The following BMPR1B variants were observed in gnomAD, a reference collection of about 807,000 sequenced individuals.
The protein encoded by BMPR1B is bone morphogenetic protein receptor type 1B, also known as bone morphogenetic protein receptor type-1B.
A neutral mutation model predicts 59.1 loss-of-function variants in BMPR1B; 12 were observed. That is an observed-to-expected ratio of 0.20 (90% CI 0.13 to 0.33). The LOEUF (loss-of-function observed/expected upper bound fraction) is 0.33, where lower values mean the gene tolerates loss of function less well. Ranked by LOEUF, BMPR1B falls within the 10% of genes least tolerant of loss-of-function variation. BMPR1B has a pLI of 1.00. For synonymous variants in BMPR1B, 237 were observed against 207.3 expected, an observed-to-expected ratio of 1.14 and a Z score of -1.23; for missense variants, 550 against 610.9, an observed-to-expected ratio of 0.90 and a Z score of 1.05.
intron 1 of BMPR1B, among the ~76,000 whole-genome samples, chr4:94,763,283 C>T (rs1296805163): frequency 6.6e-6 from 1 of 152,170 alleles, no homozygotes; most frequent in African/African-American, 2.4e-5. Flanking sequence ...TTGGATGCTT[C>T]TTGAAAGAAT....
chr4:94,967,479 CTCTT>C (rs895950767), intron 2 of BMPR1B, among the ~76,000 whole-genome samples: 16 of 151,736 alleles, frequency 1.1e-4, no homozygotes, highest in East Asian at 1.9e-4. Context: ...CTCTCTCCTT[CTCTT>C]TCTTTCTTTT....
chr4:95,089,969 T>C (rs1286376886), intron 3 of BMPR1B, among the ~76,000 whole-genome samples: 1 of 152,102 alleles, frequency 6.6e-6, no homozygotes, highest in Admixed American at 6.6e-5. Context: ...GTAAAACATC[T>C]TACAGCACAC....
chr4:94,837,476 C>T lies in BMPR1B; in HGVS notation c.-182-38355C>T, dbSNP rs1371604685. ...TTCTCCTTGAAGAGGTCCTTCACAT[C>T]CCTTGGAAGTTGGATTCCTGGGTAT... is the stretch of plus-strand genomic sequence containing the variant. On this transcript the variant is annotated intron_variant, in intron 1 of 12. Coordinates refer to ENST00000515059, the MANE Select transcript of BMPR1B (RefSeq NM_001203.3). 3.5e-5 allele frequency among the ~76,000 whole-genome samples: 5 copies of T among 144,246 alleles called. 1 individual carries two copies. Among genetic ancestry groups the T allele is most frequent in the Admixed American group, 1.4e-4 (2 of 14,564 alleles). 94.6% of individuals were successfully genotyped at this position (144,246 alleles called of 152,430 possible). A position where few individuals can be genotyped will look rare whatever the true frequency, so the allele number is the denominator to read the frequency against.
intron 10 of BMPR1B, among the ~76,000 whole-genome samples, chr4:95,144,419 T>C (rs1042083989): frequency 1.3e-5 from 2 of 151,896 alleles, no homozygotes; most frequent in African/African-American, 2.4e-5. Flanking sequence ...AAGCAAGCAA[T>C]CCACCTGCCT....
chr4:94,806,895 A>C (rs1393962088), intron 1 of BMPR1B, among the ~76,000 whole-genome samples: 2 of 152,004 alleles, frequency 1.3e-5, no homozygotes, highest in Non-Finnish European at 2.9e-5. Context: ...TATATGCTAT[A>C]TTTTACATTA....
chr4:95,089,256 A>G (rs1729809518), intron 3 of BMPR1B, among the ~76,000 whole-genome samples: 1 of 152,112 alleles, frequency 6.6e-6, no homozygotes, highest in Non-Finnish European at 1.5e-5. Context: ...ATATCTGAAG[A>G]TAGGGTTTGT....
chr4:94,937,719 GACAC>G (rs70946570), intron 2 of BMPR1B, among the ~76,000 whole-genome samples: 44 of 147,702 alleles, frequency 3.0e-4, no homozygotes, highest in African/African-American at 7.2e-4. Flanking sequence ...CACACACACA[GACAC>G]ACACACACAC....
rs1447830033 is a variant in BMPR1B at position 95,104,362 on chromosome 4, G to T, written c.-17-46G>T. 4 of 1,599,114 alleles carry T rather than the reference G, an allele frequency of 2.5e-6. No individual in the cohort carries two copies. In the South Asian group the frequency reaches 3.3e-5, roughly 13 times the overall value. Reference sequence around the variant, plus strand: ...GTTTTCGTTTGAACAGAAGACTGGGGTAGTCTACCCCACAGATGCCTAACT... The same window carrying T: ...GTTTTCGTTTGAACAGAAGACTGGGTTAGTCTACCCCACAGATGCCTAACT... On this transcript the variant is annotated intron_variant, in intron 3 of 12. Transcript: ENST00000515059.
intron 2 of BMPR1B, among the ~76,000 whole-genome samples, chr4:94,893,578 T>A (rs145560783): frequency 0.016 from 2,400 of 152,096 alleles, 62 homozygotes; most frequent in African/African-American, 0.053. Flanking sequence ...CTTTCTCATA[T>A]AAAGAGAAAT....
At chr4:94,912,972 T>A (rs1728343431) in intron 2 of BMPR1B, among the ~76,000 whole-genome samples, 1 of 152,060 alleles carries the variant, frequency 6.6e-6, no homozygotes, top group African/African-American at 2.4e-5. Flanking sequence ...TGCTTTTTTT[T>A]TCCAGCCAAT....
intron 2 of BMPR1B, among the ~76,000 whole-genome samples, chr4:94,976,534 A>G (rs1261471604): frequency 6.6e-6 from 1 of 152,074 alleles, no homozygotes. Flanking sequence ...CAAACCCCCC[A>G]TGTCTTATTC....
chr4:95,055,648 G>T (rs1445766958), intron 3 of BMPR1B, among the ~76,000 whole-genome samples: 1 of 152,156 alleles, frequency 6.6e-6, no homozygotes, highest in African/African-American at 2.4e-5. Flanking sequence ...GAAGAAAATG[G>T]CTAAACTATA....
intron 2 of BMPR1B, among the ~76,000 whole-genome samples, chr4:94,896,969 G>T (rs3775008): frequency 0.26 from 40,110 of 151,924 alleles, 6,422 homozygotes; most frequent in African/African-American, 0.45. Context: ...ATGAAAGTAT[G>T]ATTTATTTAT....
intron 3 of BMPR1B, among the ~76,000 whole-genome samples, chr4:95,086,589 C>T (rs1028510351): frequency 6.6e-6 from 1 of 152,110 alleles, no homozygotes; most frequent in African/African-American, 2.4e-5. Context: ...CTGGAGAAAA[C>T]ATTAAAGGTT....
Position 95,063,436 on chromosome 4 carries a change from G to A in BMPR1B, c.-17-40972G>A, listed in dbSNP as rs973194761. 2.0e-5 allele frequency among the ~76,000 whole-genome samples: 3 copies of A among 152,090 alleles called. No individual in the cohort carries two copies. The East Asian group carries it at 5.8e-4, about 29-fold the overall frequency. Reference sequence around the variant, plus strand: ...TTATAGCCTAGGGTAGATCATAGGTGCAGGAGCTTTTATTATTCCATTTGT... The same window carrying A: ...TTATAGCCTAGGGTAGATCATAGGTACAGGAGCTTTTATTATTCCATTTGT... On this transcript the variant is annotated intron_variant, in intron 3 of 12. Coordinates refer to ENST00000515059, the MANE Select transcript of BMPR1B (RefSeq NM_001203.3).
chr4:94,985,732 GT>G (rs1201198122), intron 2 of BMPR1B, among the ~76,000 whole-genome samples: 2 of 152,136 alleles, frequency 1.3e-5, no homozygotes, highest in Non-Finnish European at 2.9e-5. Context: ...CCTGAATTCA[GT>G]TTCTATCTAT....
At chr4:95,103,831 ATATTAAC>A (rs1267104591) in intron 3 of BMPR1B, among the ~76,000 whole-genome samples, 2 of 152,086 alleles carry the variant, frequency 1.3e-5, no homozygotes, top group Non-Finnish European at 2.9e-5. Flanking sequence ...ATGTGTCTTG[ATATTAAC>A]TAAGTTTTTG....
intron 3 of BMPR1B, chr4:95,103,572 C>A: frequency 1.2e-6 from 1 of 825,336 alleles, no homozygotes; most frequent in Non-Finnish European, 1.5e-6. Flanking sequence ...AAGCTCTTGA[C>A]ATGAGGTTTG....
intron 2 of BMPR1B, among the ~76,000 whole-genome samples, chr4:94,917,431 G>A (rs1023055613): frequency 1.3e-5 from 2 of 152,218 alleles, no homozygotes; most frequent in African/African-American, 4.8e-5. Context: ...AGCCTTGAGA[G>A]CCCACCTCTT....
Sources: gnomAD v4.1 joint callset for allele counts (sites outside exome capture counted in the v4.1 genomes callset) on GRCh38, gnomAD v4.1.1 for gene constraint, MANE v1.5 for transcripts, NCBI Gene and HGNC (gene_info 2026-07-23, HGNC 2026-07-21) for gene names.